The following BRAT1 variants were observed in gnomAD, a reference collection of about 807,000 sequenced individuals.
BRAT1 encodes BRCA1 associated ATM activator 1, also known as integrator complex assembly factor BRAT1.
BRAT1 carries 74 observed loss-of-function variants against 70.6 expected under a neutral mutation model. The observed-to-expected ratio is 1.05, with a 90% CI of 0.87 to 1.27. BRAT1 has a LOEUF of 1.27. Among genes scored for constraint, BRAT1 ranks in the 50% most tolerant of loss-of-function variants. The pLI is 0.00. For synonymous variants in BRAT1, 615 were observed against 517.1 expected, an observed-to-expected ratio of 1.19 and a Z score of -2.57; for missense variants, 1,203 against 1,098.2, an observed-to-expected ratio of 1.10 and a Z score of -1.35.
At chr7:2,545,493 C>CTTT (rs1260051801) in intron 3 of BRAT1, among the ~76,000 whole-genome samples, 4 of 107,572 alleles carry the variant, frequency 3.7e-5, no homozygotes, top group African/African-American at 9.7e-5. Context: ...ACACTTTCTT[C>CTTT]TTCTTTTTTT....
Position 2,541,399 on chromosome 7 carries a change from G to A in BRAT1, c.1220C>T (p.Pro407Leu), listed in dbSNP as rs1314756264. 6.2e-7 allele frequency: 1 copy of A among 1,603,166 alleles called. No individual in the cohort carries two copies. The highest frequency in any genetic ancestry group is 2.2e-5 in the East Asian group (1 of 44,574). The change falls in exon 9 of 14, where the codon CCT (proline) becomes CTT (leucine). Residue 407 changes from proline to leucine, a missense_variant. Physicochemically the swap from Pro to Leu is moderately conservative, Grantham distance 98. Transcript: ENST00000340611. ...VLRLCDGSAA[P>L]ASSVGGHLCG... ...GAGGTGGCCCCCCACACTGGAGGCA[G>A]GGGCAGCCGAGCCGTCACAGAGCCG... is the stretch of plus-strand genomic sequence containing the variant.
In BRAT1 at chr7:2,542,069, C is replaced by T. The variant is rs190525508; in HGVS notation, c.1015+51G>A. 1.3e-3 allele frequency: 1,821 copies of T among 1,439,214 alleles called. 16 individuals are homozygous for T. The highest frequency in any genetic ancestry group is 1.8e-3 in the East Asian group (71 of 40,116). The allele number at this position is 1,439,214 out of a possible 1,614,324, so 89.2% of individuals were successfully genotyped here. A position where few individuals can be genotyped will look rare whatever the true frequency, so the allele number is the denominator to read the frequency against. ...CTACTCTCATCCATCTCCCTTCCCC[C>T]AGCCGCAGGGACCCAGGTTCTGCCC... On this transcript the variant is annotated intron_variant, in intron 7 of 13. Transcript: ENST00000340611.
chr7:2,542,248 C>A (rs1156985472), intron 6 of BRAT1, 37 bp from the exon 7 acceptor site: 2 of 1,514,434 alleles, frequency 1.3e-6, no homozygotes, highest in Admixed American at 2.0e-5. Flanking sequence ...GCGACCCTGG[C>A]TGCGAGACAA....
In BRAT1 at chr7:2,541,612, A is replaced by C. The variant is rs963164717; in HGVS notation, c.1134+106T>G. On this transcript the variant is annotated intron_variant, in intron 8 of 13. Transcript: ENST00000340611. ...GGTTGTGGTCCCACTGCTGGCGTGG[A>C]TGCAAGGGTGCTGGGGCAGCAAGGG... is the stretch of plus-strand genomic sequence containing the variant. The C allele has an allele frequency of 1.5e-4, 221 of 1,454,886 alleles. 1 individual carries two copies. The highest frequency in any genetic ancestry group is 6.6e-5 in the Non-Finnish European group (72 of 1,086,250). The allele number at this position is 1,454,886 out of a possible 1,614,324, so 90.1% of individuals were successfully genotyped here.
intron 4 of BRAT1, chr7:2,544,255 T>C (rs1336847648): frequency 4.0e-6 from 1 of 251,134 alleles, no homozygotes; most frequent in Non-Finnish European, 7.1e-6. Flanking sequence ...CAGGGTGGAG[T>C]ACAATGGTGC....
chr7:2,538,730 A>C lies in BRAT1; in HGVS notation c.1805T>G (p.Val602Gly). The C allele has an allele frequency of 6.3e-7, 1 of 1,598,422 alleles. No homozygotes were observed. Among genetic ancestry groups the C allele is most frequent in the South Asian group, 1.1e-5 (1 of 91,084 alleles). ...LFLELLHILSVDSEGFPRRAV... is the reference protein window; with the variant it reads ...LFLELLHILSGDSEGFPRRAV... The stretch of plus-strand genomic sequence containing the variant: ...CCGCCGTGGGAAGCCCTCCGAGTCT[A>C]CGGAGAGGATGTGCAGGAGCTCCAG... Residue 602 changes from valine to glycine, a missense_variant, in exon 14 of 14, where the codon GTA becomes GGA. Physicochemically the swap from Val to Gly is moderately radical, Grantham distance 109. Transcript: ENST00000340611.
At chr7:2,555,323 A>G (rs1449162554) in intron 1 of BRAT1, among the ~76,000 whole-genome samples, 164 bp downstream of exon 1, 1 of 152,114 alleles carries the variant, frequency 6.6e-6, no homozygotes, top group Non-Finnish European at 1.5e-5. Context: ...AGAGTCCAGA[A>G]GGGGCGCCAG....
At chr7:2,554,262 C>G (rs2128415594) in intron 2 of BRAT1, 43 bp downstream of exon 2, 2 of 1,605,958 alleles carry the variant, frequency 1.2e-6, no homozygotes, top group Non-Finnish European at 1.7e-6. Flanking sequence ...GCCTCTGCGT[C>G]TGGTCTCTGG....
At chr7:2,552,110 T>A (rs867973363) in intron 2 of BRAT1, among the ~76,000 whole-genome samples, 316 of 27,190 alleles carry the variant, frequency 0.012, no homozygotes, top group African/African-American at 0.025. Flanking sequence ...ATATATATTT[T>A]TTTTTTTTTT....
intron 7 of BRAT1, 61 bp from the exon 8 acceptor site, chr7:2,541,897 G>C: frequency 6.5e-7 from 1 of 1,549,502 alleles, no homozygotes; most frequent in Non-Finnish European, 8.9e-7. Context: ...ACGGTCACCA[G>C]CCACCCCACG....
At chr7:2,539,972 G>T in intron 10 of BRAT1, 84 bp from the exon 11 acceptor site, 1 of 1,002,308 alleles carries the variant, frequency 1.0e-6, no homozygotes, top group Non-Finnish European at 1.4e-6. Flanking sequence ...CACCTGTGCT[G>T]CCCGTACTCC....
chr7:2,539,565 G>C lies in BRAT1; in HGVS notation c.1576C>G (p.Gln526Glu). ...VRDSALEFLT[Q>E]LSRHWGGQAD... ...TCACCTCCCCAGTGCCTGCTCAGCT[G>C]GGTCAGGAACTCGAGGGCGGAGTCC... The change falls in exon 12 of 14, where the codon CAG (glutamine) becomes GAG (glutamate). Residue 526 changes from glutamine (Q) to glutamate (E), a missense_variant. Transcript: ENST00000340611. The C allele has an allele frequency of 6.4e-7, 1 of 1,572,932 alleles. No homozygotes were observed. The highest frequency in any genetic ancestry group is 8.6e-7 in the Non-Finnish European group (1 of 1,158,388).
At chr7:2,542,967 C>T in intron 6 of BRAT1, 1 of 380,548 alleles carries the variant, frequency 2.6e-6, no homozygotes. Flanking sequence ...GCAGCTCCCG[C>T]ATCCTTCTCA....
At chr7:2,552,832 G>A (rs550913922) in intron 2 of BRAT1, among the ~76,000 whole-genome samples, 2 of 151,150 alleles carry the variant, frequency 1.3e-5, no homozygotes, top group African/African-American at 4.9e-5. Flanking sequence ...TCTGCCTCCT[G>A]TGTTCACGCC....
At chr7:2,540,640 C>T (rs918386500) in intron 10 of BRAT1, 5 of 266,532 alleles carry the variant, frequency 1.9e-5, no homozygotes, top group Admixed American at 5.5e-5. Flanking sequence ...GGAGTAGGCA[C>T]ATTCACAAAT....
intron 1 of BRAT1, 101 bp from the exon 2 acceptor site, chr7:2,554,548 C>A: frequency 1.5e-6 from 2 of 1,373,050 alleles, no homozygotes; most frequent in Non-Finnish European, 1.9e-6. Flanking sequence ...GGGAAGGGGC[C>A]CCAGAACTTT....
At chr7:2,551,823 A>T (rs1459470625) in intron 2 of BRAT1, among the ~76,000 whole-genome samples, 1 of 151,778 alleles carries the variant, frequency 6.6e-6, no homozygotes, top group Admixed American at 6.6e-5. Flanking sequence ...TCTCAATAAA[A>T]GTCTCAACAG....
At chr7:2,552,106 ATTTTTTTTT>A (rs1174942520) in intron 2 of BRAT1, among the ~76,000 whole-genome samples, 5 of 14,216 alleles carry the variant, frequency 3.5e-4, no homozygotes, top group South Asian at 3.4e-3. Context: ...ATATATATAT[ATTTTTTTTT>A]TTTTTTTTTT....
chr7:2,552,917 T>G (rs1780147788), intron 2 of BRAT1, among the ~76,000 whole-genome samples: 1 of 145,562 alleles, frequency 6.9e-6, no homozygotes, highest in South Asian at 2.1e-4. Context: ...TTTTTTTTTT[T>G]GTATTTTTAG....
Sources: gnomAD v4.1 joint callset for allele counts (sites outside exome capture counted in the v4.1 genomes callset) on GRCh38, gnomAD v4.1.1 for gene constraint, MANE v1.5 for transcripts, NCBI Gene and HGNC (gene_info 2026-07-23, HGNC 2026-07-21) for gene names.